Variants in PLCXD3 observed in about 807,000 individuals in gnomAD.
PLCXD3 encodes the protein phosphatidylinositol specific phospholipase C X domain containing 3, also known as PI-PLC X domain-containing protein 3.
Under a neutral mutation model 25.5 loss-of-function variants are expected in PLCXD3, and 19 were observed. The observed-to-expected ratio is 0.75, with a 90% CI of 0.52 to 1.09. The LOEUF is 1.09. Among genes scored for constraint, PLCXD3 ranks in the 50% least tolerant of loss-of-function variants. PLCXD3 has a pLI of 0.00. For synonymous variants in PLCXD3, 174 were observed against 137.6 expected, an observed-to-expected ratio of 1.26 and a Z score of -1.85; for missense variants, 411 against 388.1, an observed-to-expected ratio of 1.06 and a Z score of -0.50.
At chr5:41,484,362 T>C (rs556843502) in intron 1 of PLCXD3, among the ~76,000 whole-genome samples, 16 of 152,226 alleles carry the variant, frequency 1.1e-4, no homozygotes, top group African/African-American at 3.6e-4. Flanking sequence ...TATGCATTAG[T>C]CACACACCTT....
At chr5:41,402,011 G>T (rs1325460572) in intron 1 of PLCXD3, among the ~76,000 whole-genome samples, 2 of 151,868 alleles carry the variant, frequency 1.3e-5, no homozygotes, top group African/African-American at 4.8e-5. Flanking sequence ...TGCAAGTAGA[G>T]ATGCTAAATT....
chr5:41,473,903 GTAAATTTATGAGAGGCCCCTTCCTCTTTT>G (rs1344761234), intron 1 of PLCXD3, among the ~76,000 whole-genome samples: 3 of 152,062 alleles, frequency 2.0e-5, no homozygotes, highest in African/African-American at 7.3e-5. Context: ...ATCCTTCCAT[GTAAATTTATGAGAGGCCCCTTCCTCTTTT>G]TAAATTTCAA....
intron 1 of PLCXD3, among the ~76,000 whole-genome samples, chr5:41,425,060 T>C (rs977870096): frequency 1.3e-5 from 2 of 152,236 alleles, no homozygotes; most frequent in Non-Finnish European, 2.9e-5. Flanking sequence ...GTATGCAGCT[T>C]TGGAGTTCTT....
At chr5:41,371,967 G>C (rs969309311) in intron 2 of PLCXD3, among the ~76,000 whole-genome samples, 1 of 151,962 alleles carries the variant, frequency 6.6e-6, no homozygotes, top group African/African-American at 2.4e-5. Flanking sequence ...AATTCCAAAC[G>C]AATCTCCCTT....
chr5:41,310,934 A>T lies in PLCXD3; in HGVS notation c.*2683T>A, dbSNP rs758683745. On this transcript the variant is annotated 3_prime_UTR_variant, in exon 3 of 3. Coordinates refer to ENST00000377801, the MANE Select transcript of PLCXD3 (RefSeq NM_001005473.3). Reference sequence around the variant, plus strand: ...CTTTCCCTAGTTAAAAAACTGCACAATTATTCAAAAGCTTCATCATGTTTG... The same window carrying T: ...CTTTCCCTAGTTAAAAAACTGCACATTTATTCAAAAGCTTCATCATGTTTG... 7 of 152,434 alleles carry T rather than the reference A, an allele frequency of 4.6e-5. No individual in the cohort carries two copies. Among genetic ancestry groups the T allele is most frequent in the Non-Finnish European group, 1.0e-4 (7 of 68,026 alleles). 9.4% of individuals were successfully genotyped at this position (152,434 alleles called of 1,614,324 possible).
At chr5:41,335,148 G>C (rs775244926) in intron 2 of PLCXD3, among the ~76,000 whole-genome samples, 2 of 152,144 alleles carry the variant, frequency 1.3e-5, no homozygotes, top group Non-Finnish European at 2.9e-5. Context: ...GGTACTCAAA[G>C]CTCAAAAGCA....
At chr5:41,337,902 A>G (rs1744029947) in intron 2 of PLCXD3, among the ~76,000 whole-genome samples, 1 of 152,120 alleles carries the variant, frequency 6.6e-6, no homozygotes, top group Non-Finnish European at 1.5e-5. Flanking sequence ...ATTTCCCATG[A>G]TGTCATCTCT....
intron 1 of PLCXD3, among the ~76,000 whole-genome samples, chr5:41,434,750 A>C (rs1229319029): frequency 6.6e-6 from 1 of 152,138 alleles, no homozygotes; most frequent in East Asian, 1.9e-4. Flanking sequence ...TGTGTAGAAA[A>C]GTGGGAAACA....
chr5:41,466,914 T>C (rs1748029182), intron 1 of PLCXD3, among the ~76,000 whole-genome samples: 1 of 152,172 alleles, frequency 6.6e-6, no homozygotes, highest in African/African-American at 2.4e-5. Flanking sequence ...TAAATAGTAT[T>C]CTAATGCATA....
intron 1 of PLCXD3, among the ~76,000 whole-genome samples, chr5:41,435,578 G>GGC (rs1747229106): frequency 2.6e-5 from 4 of 152,188 alleles, no homozygotes; most frequent in Non-Finnish European, 5.9e-5. Context: ...TCTTGGAAAA[G>GGC]TCTGCTGGCC....
chr5:41,397,595 C>T (rs1299276761), intron 1 of PLCXD3, among the ~76,000 whole-genome samples: 1 of 152,194 alleles, frequency 6.6e-6, no homozygotes, highest in Non-Finnish European at 1.5e-5. Flanking sequence ...CACTGGGGCA[C>T]TGCCTAGTGG....
chr5:41,355,691 T>C (rs1283499437), intron 2 of PLCXD3, among the ~76,000 whole-genome samples: 3 of 152,232 alleles, frequency 2.0e-5, no homozygotes, highest in Non-Finnish European at 4.4e-5. Flanking sequence ...ATTGCCTTCA[T>C]TCACCAAATG....
chr5:41,457,768 TC>T (rs1747786830), intron 1 of PLCXD3, among the ~76,000 whole-genome samples: 1 of 151,986 alleles, frequency 6.6e-6, no homozygotes, highest in East Asian at 1.9e-4. Flanking sequence ...CCATAACAGG[TC>T]ACCCGTTAGA....
rs1491284489 is a variant in PLCXD3 at position 41,312,685 on chromosome 5, T to TTTCCTTTCC, written c.*931_*932insGGAAAGGAA. 1 of 104,772 alleles carries TTTCCTTTCC rather than the reference T, an allele frequency of 9.5e-6. No individual in the cohort carries two copies. The highest frequency in any genetic ancestry group is 2.0e-5 in the Non-Finnish European group (1 of 51,278). The allele number at this position is 104,772 out of a possible 1,614,324, so 6.5% of individuals were successfully genotyped here. On this transcript the variant is annotated 3_prime_UTR_variant, in exon 3 of 3. Transcript: ENST00000377801. ...CTTCCTCCCTCCCTTCCTTTCTTCC[T>TTTCCTTTCC]TTCCTTCCTTCCTTCCTTCCTTCCT...
intron 1 of PLCXD3, among the ~76,000 whole-genome samples, chr5:41,411,369 A>C (rs1561265483): frequency 6.6e-6 from 1 of 152,188 alleles, no homozygotes; most frequent in Non-Finnish European, 1.5e-5. Flanking sequence ...ACTTCTTGCC[A>C]ATAGCTGGAT....
chr5:41,460,425 T>C (rs1747848506), intron 1 of PLCXD3, among the ~76,000 whole-genome samples: 1 of 151,934 alleles, frequency 6.6e-6, no homozygotes. Context: ...CATTATCATA[T>C]CTATATTTTT....
chr5:41,469,483 T>C (rs1748102140), intron 1 of PLCXD3, among the ~76,000 whole-genome samples: 1 of 136,742 alleles, frequency 7.3e-6, no homozygotes, highest in Non-Finnish European at 1.6e-5. Flanking sequence ...CATGAATCCA[T>C]CTGGTTGTGA....
intron 1 of PLCXD3, among the ~76,000 whole-genome samples, chr5:41,449,846 A>G (rs318075): frequency 0.95 from 144,990 of 152,136 alleles, 69,301 homozygotes; most frequent in African/African-American, 0.99. Flanking sequence ...ATGGGGGGCG[A>G]GGAAGGGCAT....
At chr5:41,485,682 A>G (rs995303696) in intron 1 of PLCXD3, among the ~76,000 whole-genome samples, 16 of 152,320 alleles carry the variant, frequency 1.1e-4, no homozygotes, top group African/African-American at 3.6e-4. Flanking sequence ...GAATAGAATC[A>G]GCAGGACTAT....
Sources: gnomAD v4.1 joint callset for allele counts (sites outside exome capture counted in the v4.1 genomes callset) on GRCh38, gnomAD v4.1.1 for gene constraint, MANE v1.5 for transcripts, NCBI Gene and HGNC (gene_info 2026-07-23, HGNC 2026-07-21) for gene names.